NBEA: variants seen among roughly 807,000 people sequenced by gnomAD.
NBEA encodes neurobeachin.
NBEA carries 44 observed loss-of-function variants against 343.4 expected under a neutral mutation model. That is an observed-to-expected ratio of 0.13 (90% CI 0.10 to 0.16). The LOEUF (loss-of-function observed/expected upper bound fraction) is 0.16, where lower values mean the gene tolerates loss of function less well. Ranked by LOEUF, NBEA falls within the 10% of genes least tolerant of loss-of-function variation. NBEA has a pLI of 1.00. For synonymous variants in NBEA, 1,175 were observed against 1,238.7 expected (o/e 0.95, Z 1.08); for missense variants, 2,555 against 3,631.3 (o/e 0.70, Z 7.62).
chr13:35,490,491 G>T (rs2076461115), intron 41 of NBEA, among the ~76,000 whole-genome samples: 2 of 151,826 alleles, frequency 1.3e-5, no homozygotes, highest in African/African-American at 4.8e-5. Flanking sequence ...ACCTAATCCA[G>T]CCTCAGATAA....
At chr13:34,975,745 C>T (rs2060150806) in intron 1 of NBEA, among the ~76,000 whole-genome samples, 1 of 151,802 alleles carries the variant, frequency 6.6e-6, no homozygotes, top group Non-Finnish European at 1.5e-5. Flanking sequence ...AAAAAAATCC[C>T]ATCAAAAAGT....
chr13:35,490,108 A>G (rs2076449339), intron 41 of NBEA, among the ~76,000 whole-genome samples: 1 of 151,904 alleles, frequency 6.6e-6, no homozygotes, highest in South Asian at 2.1e-4. Flanking sequence ...CAGATCTGGT[A>G]GCTTACTGAG....
At chr13:35,529,555 A>G (rs900416715) in intron 41 of NBEA, among the ~76,000 whole-genome samples, 1 of 152,254 alleles carries the variant, frequency 6.6e-6, no homozygotes, top group Non-Finnish European at 1.5e-5. Flanking sequence ...ATAGTAAACA[A>G]TCAACCTATG....
At chr13:35,211,306 A>G in intron 33 of NBEA, 127 bp downstream of exon 33, 1 of 839,186 alleles carries the variant, frequency 1.2e-6, no homozygotes, top group Non-Finnish European at 1.8e-6. Context: ...ACATTTCACA[A>G]TTCTGATATT....
intron 38 of NBEA, among the ~76,000 whole-genome samples, chr13:35,430,119 A>G (rs1462236111): frequency 1.3e-5 from 2 of 151,782 alleles, no homozygotes; most frequent in African/African-American, 4.8e-5. Flanking sequence ...ATCCACACCA[A>G]CATTTTTTTT....
At chr13:35,372,402 G>A (rs923665315) in intron 38 of NBEA, among the ~76,000 whole-genome samples, 1 of 152,170 alleles carries the variant, frequency 6.6e-6, no homozygotes, top group Non-Finnish European at 1.5e-5. Context: ...TGGTGGACAG[G>A]GCAGAGTGAT....
intron 17 of NBEA, among the ~76,000 whole-genome samples, chr13:35,129,072 AG>A (rs2067277210): frequency 4.3e-5 from 3 of 69,252 alleles, no homozygotes; most frequent in African/African-American, 5.6e-5. Context: ...ACATGGGGGG[AG>A]GGGGGAGGGA....
At chr13:35,651,943 A>T in intron 53 of NBEA, 67 bp downstream of exon 53, 1 of 904,088 alleles carries the variant, frequency 1.1e-6, no homozygotes, top group South Asian at 1.5e-5. Context: ...GTTATTTTTC[A>T]TAAGATAGTT....
At chr13:35,345,980 G>T (rs1268644367) in intron 36 of NBEA, among the ~76,000 whole-genome samples, 1 of 152,024 alleles carries the variant, frequency 6.6e-6, no homozygotes, top group African/African-American at 2.4e-5. Context: ...CAAGAGTCAT[G>T]GAAAGATACC....
At chr13:35,136,614 A>C (rs537602347) in intron 17 of NBEA, among the ~76,000 whole-genome samples, 9 of 152,220 alleles carry the variant, frequency 5.9e-5, no homozygotes, top group Non-Finnish European at 1.3e-4. Context: ...AAACCTAGGC[A>C]AAAAAGAAGT....
At chr13:35,071,993 C>T (rs767282863) in intron 10 of NBEA, among the ~76,000 whole-genome samples, 52 of 152,008 alleles carry the variant, frequency 3.4e-4, no homozygotes, top group Non-Finnish European at 6.9e-4. Flanking sequence ...AAAAGGAATC[C>T]TGAGGTTATG....
intron 10 of NBEA, among the ~76,000 whole-genome samples, chr13:35,097,051 T>C (rs2065372778): frequency 1.3e-5 from 2 of 152,044 alleles, no homozygotes; most frequent in South Asian, 4.1e-4. Flanking sequence ...AGATACTATA[T>C]TTTGTCTAGC....
At chr13:35,596,391 A>T (rs990621022) in intron 47 of NBEA, among the ~76,000 whole-genome samples, 1 of 152,128 alleles carries the variant, frequency 6.6e-6, no homozygotes, top group African/African-American at 2.4e-5. Context: ...TTTTTTAAGG[A>T]AGTGTGTTTC....
At chr13:35,289,080 A>C (rs1329123061) in intron 34 of NBEA, among the ~76,000 whole-genome samples, 1 of 151,922 alleles carries the variant, frequency 6.6e-6, no homozygotes. Flanking sequence ...CAAAATGGGC[A>C]CAAAAGAGTA....
intron 55 of NBEA, among the ~76,000 whole-genome samples, chr13:35,662,577 A>G (rs2085150380): frequency 6.6e-6 from 1 of 152,228 alleles, no homozygotes; most frequent in Non-Finnish European, 1.5e-5. Context: ...TTTCACTTAA[A>G]GAAGGAAACA....
intron 38 of NBEA, among the ~76,000 whole-genome samples, chr13:35,416,973 A>G (rs2043951532): frequency 6.6e-6 from 1 of 151,984 alleles, no homozygotes; most frequent in Non-Finnish European, 1.5e-5. Context: ...GGGAGGGTGT[A>G]TGTGTTCAGG....
intron 10 of NBEA, among the ~76,000 whole-genome samples, chr13:35,095,438 G>A (rs912486764): frequency 2.0e-5 from 3 of 151,508 alleles, no homozygotes; most frequent in Non-Finnish European, 4.4e-5. Flanking sequence ...CTCTGGAGAA[G>A]TAATAAATAT....
At chr13:34,978,108 A>G (rs2060240277) in intron 1 of NBEA, among the ~76,000 whole-genome samples, 1 of 152,224 alleles carries the variant, frequency 6.6e-6, no homozygotes, top group Admixed American at 6.5e-5. Context: ...CATCCTGCCT[A>G]AAGTTATTCT....
At chr13:35,252,478 G>A (rs991745628) in intron 34 of NBEA, among the ~76,000 whole-genome samples, 1 of 152,146 alleles carries the variant, frequency 6.6e-6, no homozygotes, top group Admixed American at 6.5e-5. Flanking sequence ...GCCCCAATTC[G>A]GGGCCTGCTG....
Sources: gnomAD v4.1 joint callset for allele counts (sites outside exome capture counted in the v4.1 genomes callset) on GRCh38, gnomAD v4.1.1 for gene constraint, MANE v1.5 for transcripts, NCBI Gene and HGNC (gene_info 2026-07-23, HGNC 2026-07-21) for gene names.